The following KMT2C variants were observed in gnomAD, a reference collection of about 807,000 sequenced individuals.
KMT2C encodes lysine methyltransferase 2C, also known as histone-lysine N-methyltransferase 2C.
KMT2C carries 88 observed loss-of-function variants against 507.9 expected under a neutral mutation model. That is an observed-to-expected ratio of 0.17 (90% CI 0.15 to 0.21). The LOEUF is 0.21. Among genes scored for constraint, KMT2C ranks in the 10% least tolerant of loss-of-function variants. The pLI is 1.00. For synonymous variants in KMT2C, 2,049 were observed against 2,080.8 expected (o/e 0.98, Z 0.42); for missense variants, 4,954 against 5,957.8 (o/e 0.83, Z 5.55).
intron 58 of KMT2C, 94 bp from the exon 59 acceptor site, chr7:152,137,018 G>A (rs369844615): frequency 1.6e-5 from 15 of 923,204 alleles, no homozygotes; most frequent in Middle Eastern, 3.2e-4. Flanking sequence ...ACCAGCAAAC[G>A]AAACAGACGT....
chr7:152,258,113 G>C (rs1252457291), intron 9 of KMT2C, among the ~76,000 whole-genome samples: 1 of 152,118 alleles, frequency 6.6e-6, no homozygotes, highest in Non-Finnish European at 1.5e-5. Context: ...AGGAATCTGG[G>C]TTACTTATTT....
rs1473239031 is a variant in KMT2C, at chr7:152,196,002, T to C, written c.4283A>G (p.Asp1428Gly). The change falls in exon 28 of 59, where the codon GAT becomes GGT. Residue 1428 changes from aspartate (D) to glycine (G), a missense_variant. Transcript: ENST00000262189. ...TTCAGAAATATCAGCTAATGGGTCATCAGCAGGACCTAAATATAGTAAATA... is the reference window on the plus strand; with the variant it reads ...TTCAGAAATATCAGCTAATGGGTCACCAGCAGGACCTAAATATAGTAAATA... ...PTKSGTHGPADDPLADISEVL... is the reference protein window; with the variant it reads ...PTKSGTHGPAGDPLADISEVL... 6.3e-7 allele frequency: 1 copy of C among 1,582,568 alleles called. No individual in the cohort carries two copies. Among genetic ancestry groups the C allele is most frequent in the South Asian group, 1.1e-5 (1 of 88,412 alleles).
intron 2 of KMT2C, among the ~76,000 whole-genome samples, chr7:152,331,046 G>A (rs1251443230): frequency 6.6e-6 from 1 of 152,186 alleles, no homozygotes; most frequent in African/African-American, 2.4e-5. Context: ...GGTGGCTCAT[G>A]CCTGTAATCC....
At chr7:152,366,388 G>A (rs892471332) in intron 1 of KMT2C, among the ~76,000 whole-genome samples, 28 of 152,140 alleles carry the variant, frequency 1.8e-4, no homozygotes, top group African/African-American at 6.8e-4. Flanking sequence ...TATGTCTATG[G>A]TGGAATACTA....
chr7:152,162,010 T>TA (rs1587814030), intron 43 of KMT2C, 107 bp downstream of exon 43: 3 of 1,285,130 alleles, frequency 2.3e-6, no homozygotes, highest in Non-Finnish European at 3.0e-6. Flanking sequence ...TCCTTTAGAA[T>TA]AAAAAGGTTG....
At chr7:152,326,947 G>T (rs1463688460) in intron 3 of KMT2C, among the ~76,000 whole-genome samples, 2 of 152,060 alleles carry the variant, frequency 1.3e-5, no homozygotes, top group Non-Finnish European at 2.9e-5. Flanking sequence ...GGAAACTGTG[G>T]GACAGAGAGA....
chr7:152,352,918 T>G (rs2097124989), intron 2 of KMT2C, among the ~76,000 whole-genome samples: 1 of 152,202 alleles, frequency 6.6e-6, no homozygotes, highest in African/African-American at 2.4e-5. Flanking sequence ...TATGACAACT[T>G]GAACACTAGG....
Position 152,162,966 on chromosome 7 carries a change from T to C in KMT2C, c.10611A>G (p.Gly3537=), listed in dbSNP as rs1478153319. The C allele has an allele frequency of 6.2e-7, 1 of 1,614,158 alleles. No homozygotes were observed. The highest frequency in any genetic ancestry group is 2.2e-5 in the East Asian group (1 of 44,860). The change falls in exon 43 of 59, where the codon GGA becomes GGG. Residue 3537 remains glycine, a synonymous_variant. Transcript: ENST00000262189. The part of the protein sequence containing the change: ...PNFSSVKQGH[G]NLSGTSFQQS... ...GCTGGAAGCTGGTCCCAGAAAGATT[T>C]CCATGTCCCTGCTTCACAGAAGAAA... is the stretch of plus-strand genomic sequence containing the variant.
In KMT2C at chr7:152,181,190, T is replaced by A. The variant is rs1260588068; in HGVS notation, c.6670A>T (p.Thr2224Ser). 2 of 1,614,124 alleles carry A rather than the reference T, an allele frequency of 1.2e-6. No individual in the cohort carries two copies. Among genetic ancestry groups the A allele is most frequent in the African/African-American group, 2.7e-5 (2 of 75,040 alleles). The part of the protein sequence containing the change: ...ISVPYSQPPA[T>S]PRPRISEGFT... ...CCCTCTGAAATCCTTGGCCTTGGTG[T>A]TGCTGGTGGCTGAGAGTAAGGGACA... Residue 2224 changes from threonine (T) to serine (S), a missense_variant, in exon 36 of 59, where the codon ACA becomes TCA. Around this residue, in one of 29 missense-constraint regions of KMT2C, gnomAD observed 1,689 missense variants for 1,654.3 expected, o/e 1.02. Transcript: ENST00000262189.
intron 48 of KMT2C, 76 bp from the exon 49 acceptor site, chr7:152,153,030 G>A (rs2129097908): frequency 6.5e-7 from 1 of 1,529,634 alleles, no homozygotes; most frequent in African/African-American, 1.4e-5. Context: ...ACACACTTAG[G>A]ATAAATCCTC....
intron 1 of KMT2C, among the ~76,000 whole-genome samples, chr7:152,417,191 TCA>T (rs1301357318): frequency 6.6e-6 from 1 of 152,110 alleles, no homozygotes; most frequent in Non-Finnish European, 1.5e-5. Flanking sequence ...TAGGCACAGC[TCA>T]CTGCAACCAC....
chr7:152,346,062 C>T (rs1283309866), intron 2 of KMT2C, among the ~76,000 whole-genome samples: 2 of 152,110 alleles, frequency 1.3e-5, no homozygotes, highest in Non-Finnish European at 2.9e-5. Flanking sequence ...CCCAAGACAT[C>T]AGTGTGTCTA....
At chr7:152,431,226 A>C (rs2097859861) in intron 1 of KMT2C, among the ~76,000 whole-genome samples, 1 of 152,146 alleles carries the variant, frequency 6.6e-6, no homozygotes, top group Non-Finnish European at 1.5e-5. Context: ...CATATTAGTA[A>C]CTAATATGTA....
chr7:152,248,558 C>T lies in KMT2C; in HGVS notation c.1876G>A (p.Glu626Lys), dbSNP rs2095513181. ...ACTTCAGAAGACATTTTCAGGTCTT[C>T]ACTATCAACTTCATTAGAAATCTGT... ...EKQISNEVDSEDLKMSSEVKH... is the reference protein window; with the variant it reads ...EKQISNEVDSKDLKMSSEVKH... Residue 626 changes from glutamate (E) to lysine (K), a missense_variant, in exon 14 of 59, where the codon GAA becomes AAA. Glu to Lys is a moderately conservative substitution (Grantham distance 56). Transcript: ENST00000262189. 1 of 1,613,930 alleles carries T rather than the reference C, an allele frequency of 6.2e-7. No individual in the cohort carries two copies.
chr7:152,328,782 C>T lies in KMT2C; in HGVS notation c.389+1819G>A, dbSNP rs892363628. Among the ~76,000 whole-genome samples the T allele has an allele frequency of 6.6e-5, 10 of 152,106 alleles. No individual in the cohort carries two copies. In the East Asian group the frequency reaches 1.7e-3, roughly 26 times the overall value. On this transcript the variant is annotated intron_variant, in intron 3 of 58. Transcript: ENST00000262189. Reference sequence around the variant, plus strand: ...GACACTAACAAGTTGTTTGGGTTATCGAGTTGAGCTACAAGGTATGAGAAA... The same window carrying T: ...GACACTAACAAGTTGTTTGGGTTATTGAGTTGAGCTACAAGGTATGAGAAA...
intron 42 of KMT2C, among the ~76,000 whole-genome samples, chr7:152,165,626 A>C (rs1465646113): frequency 6.6e-6 from 1 of 152,218 alleles, no homozygotes; most frequent in Non-Finnish European, 1.5e-5. Context: ...CGTGAGTCCA[A>C]ATCCCTAATC....
Position 152,144,485 on chromosome 7 carries a change from T to C in KMT2C, c.14343+228A>G, listed in dbSNP as rs1276151546. Among the ~76,000 whole-genome samples, 2 of 152,258 alleles carry C rather than the reference T, an allele frequency of 1.3e-5. No individual in the cohort carries two copies. The highest frequency in any genetic ancestry group is 2.9e-5 in the Non-Finnish European group (2 of 68,048). ...AGGAGCTCTCAACAAGATGCAAAGA[T>C]GTGGATTCCACTGGTCTGCTTTCCC... On this transcript the variant is annotated intron_variant, in intron 55 of 58. Transcript: ENST00000262189. The surrounding 1 kb of genome is among the most constrained non-coding windows in gnomAD (Gnocchi z 4.4).
chr7:152,263,604 G>A (rs1443570194), intron 8 of KMT2C, among the ~76,000 whole-genome samples: 1 of 152,156 alleles, frequency 6.6e-6, no homozygotes, highest in East Asian at 1.9e-4. Flanking sequence ...TTAGACTAAA[G>A]CTCTCTGAGT....
At chr7:152,172,418 G>A (rs111410971) in intron 39 of KMT2C, among the ~76,000 whole-genome samples, 4,511 of 152,240 alleles carry the variant, frequency 0.03, 243 homozygotes, top group African/African-American at 0.1. Flanking sequence ...AGTGCTGGTC[G>A]GGTGCAGTGG....
Sources: allele counts gnomAD v4.1 joint callset (sites outside exome capture counted in the v4.1 genomes callset), GRCh38; gene constraint gnomAD v4.1.1; regional missense constraint gnomAD v4.1.1; non-coding constraint Gnocchi (gnomAD v3.1); transcripts MANE v1.5; gene names NCBI Gene and HGNC (gene_info 2026-07-23, HGNC 2026-07-21).